The following TVP23A variants were observed in gnomAD, a reference collection of about 807,000 sequenced individuals.
TVP23A encodes the protein trans-golgi network vesicle protein 23 homolog A.
In TVP23A, 21 loss-of-function variants were observed where a neutral mutation model predicts 31.7. The observed-to-expected ratio is 0.66, with a 90% CI of 0.47 to 0.95. The LOEUF is 0.95. Ranked by LOEUF, TVP23A falls within the 40% of genes least tolerant of loss-of-function variation. TVP23A has a pLI of 0.00. For synonymous variants in TVP23A, 104 were observed against 96.0 expected, an observed-to-expected ratio of 1.08 and a Z score of -0.49; for missense variants, 279 against 255.6, an observed-to-expected ratio of 1.09 and a Z score of -0.62.
At chr16:10,806,382 T>C (rs1320570226) in intron 2 of TVP23A, among the ~76,000 whole-genome samples, 3 of 152,214 alleles carry the variant, frequency 2.0e-5, no homozygotes, top group Non-Finnish European at 4.4e-5. Context: ...TCTAGGTCCA[T>C]GCAGTCAAGC....
chr16:10,778,699 C>G (rs551758060), intron 2 of TVP23A, among the ~76,000 whole-genome samples: 1 of 149,774 alleles, frequency 6.7e-6, no homozygotes, highest in Admixed American at 6.6e-5. Context: ...GGCGCGGTGG[C>G]CCATGCCTAT....
Position 10,818,592 on chromosome 16 carries a change from A to G in TVP23A, c.-99T>C. 1 of 1,455,030 alleles carries G rather than the reference A, an allele frequency of 6.9e-7. No individual in the cohort carries two copies. The highest frequency in any genetic ancestry group is 1.3e-5 in the South Asian group (1 of 78,388). The allele number at this position is 1,455,030 out of a possible 1,614,324, so 90.1% of individuals were successfully genotyped here. On this transcript the variant is annotated 5_prime_UTR_variant, in exon 1 of 8. Transcript: ENST00000299866. This position sits in a 1 kb window ranked among gnomAD's most constrained non-coding sequence, Gnocchi z 4.7. ...CGCCGGGCGGGCGGATGTAGGCAGC[A>G]GACGGTGGACGCTGAGGGTCGGGGC...
At chr16:10,790,605 G>T (rs954068712) in intron 2 of TVP23A, among the ~76,000 whole-genome samples, 6 of 152,152 alleles carry the variant, frequency 3.9e-5, no homozygotes, top group Admixed American at 6.5e-5. Context: ...AAAATATTTT[G>T]ATTTTCTTCT....
chr16:10,777,476 G>C lies in TVP23A; in HGVS notation c.90-2380C>G, dbSNP rs2032115982. ...CACAGAACTGCAGGGGAAAGCGCCT[G>C]CTCATTCTCCCCAAGAAGAAACGGA... On this transcript the variant is annotated intron_variant, in intron 2 of 7. Transcript: ENST00000299866. The surrounding 1 kb of genome is among the most constrained non-coding windows in gnomAD (Gnocchi z 4.5). Among the ~76,000 whole-genome samples the C allele has an allele frequency of 6.6e-6, 1 of 152,116 alleles. No individual in the cohort carries two copies. The highest frequency in any genetic ancestry group is 1.5e-5 in the Non-Finnish European group (1 of 68,024).
At chr16:10,788,597 G>C (rs546270414) in intron 2 of TVP23A, among the ~76,000 whole-genome samples, 4 of 152,184 alleles carry the variant, frequency 2.6e-5, no homozygotes, top group South Asian at 2.1e-4. Flanking sequence ...GTGGGAGCCA[G>C]GGGGCCAGAG....
At position 10,768,941 on chromosome 16, in the gene TVP23A, C is replaced by A; in HGVS notation, c.*161G>T. 1 of 966,372 alleles carries A rather than the reference C, an allele frequency of 1.0e-6. No individual in the cohort carries two copies. Among genetic ancestry groups the A allele is most frequent in the Non-Finnish European group, 1.6e-6 (1 of 610,300 alleles). The allele number at this position is 966,372 out of a possible 1,614,324, so 59.9% of individuals were successfully genotyped here. A position where few individuals can be genotyped will look rare whatever the true frequency, so the allele number is the denominator to read the frequency against. ...ACACAGGTCTTTTTATGGAACTAGC[C>A]AGAGGATTCCACCCCTGTCAAAACA... On this transcript the variant is annotated 3_prime_UTR_variant, in exon 8 of 8. Coordinates refer to ENST00000299866, the MANE Select transcript of TVP23A (RefSeq NM_001079512.4). The surrounding 1 kb of genome is among the most constrained non-coding windows in gnomAD (Gnocchi z 4.3).
chr16:10,780,781 G>A (rs926413403), intron 2 of TVP23A, among the ~76,000 whole-genome samples: 4 of 152,076 alleles, frequency 2.6e-5, no homozygotes, highest in African/African-American at 9.7e-5. Context: ...AAAAACAGGT[G>A]ACAGCCATTA....
chr16:10,810,161 C>G (rs929035931), intron 2 of TVP23A, among the ~76,000 whole-genome samples: 1 of 152,098 alleles, frequency 6.6e-6, no homozygotes, highest in South Asian at 2.1e-4. Context: ...CATGTGTCAC[C>G]TAGACTGGGC....
intron 2 of TVP23A, among the ~76,000 whole-genome samples, chr16:10,798,884 G>A (rs769804141): frequency 2.2e-4 from 33 of 152,126 alleles, no homozygotes; most frequent in South Asian, 4.1e-4. Flanking sequence ...GGATGGTCTC[G>A]ATCTCCTGAC....
intron 2 of TVP23A, among the ~76,000 whole-genome samples, chr16:10,793,834 G>C (rs921300152): frequency 7.2e-6 from 1 of 138,250 alleles, no homozygotes; most frequent in Non-Finnish European, 1.5e-5. Context: ...AGGAGATTGT[G>C]GCTTCAGTGA....
chr16:10,763,171 G>A (rs774581482), downstream of TVP23A, among the ~76,000 whole-genome samples: 34 of 152,132 alleles, frequency 2.2e-4, no homozygotes, highest in South Asian at 6.2e-4. Flanking sequence ...GGGGTGCTGC[G>A]GCTAAGGGGC....
At chr16:10,813,391 C>T (rs2034287275) in intron 2 of TVP23A, among the ~76,000 whole-genome samples, 1 of 152,148 alleles carries the variant, frequency 6.6e-6, no homozygotes, top group Non-Finnish European at 1.5e-5. Flanking sequence ...TCCATTTCAA[C>T]AAGGGATTTA....
chr16:10,787,729 CCTCT>C (rs1298195606), intron 2 of TVP23A, among the ~76,000 whole-genome samples: 1 of 151,986 alleles, frequency 6.6e-6, no homozygotes, highest in African/African-American at 2.4e-5. Context: ...GAGCTGTTCT[CCTCT>C]CTCTTTCTTT....
At chr16:10,759,358 G>A (rs532124460), downstream of TVP23A, among the ~76,000 whole-genome samples, 3 of 152,360 alleles carry the variant, frequency 2.0e-5, no homozygotes, top group South Asian at 6.2e-4. This position sits in a 1 kb window ranked among gnomAD's most constrained non-coding sequence, Gnocchi z 4.7. Context: ...GGGACATGGG[G>A]ACGCAAGGAG....
downstream of TVP23A, among the ~76,000 whole-genome samples, chr16:10,763,360 G>C (rs141957867): frequency 2.1e-3 from 313 of 152,232 alleles, 2 homozygotes; most frequent in African/African-American, 7.3e-3. Flanking sequence ...TAGGGGGGTA[G>C]GGTGCGAGGG....
At position 10,768,283 on chromosome 16, in the gene TVP23A, G is replaced by T; in HGVS notation, c.*819C>A. Reference sequence around the variant, plus strand: ...AAATACATCCCAATAAAGGGATAAAGTAATTCATTTTTAAAAGTAACTGAT... The same window carrying T: ...AAATACATCCCAATAAAGGGATAAATTAATTCATTTTTAAAAGTAACTGAT... On this transcript the variant is annotated 3_prime_UTR_variant, in exon 8 of 8. Coordinates refer to ENST00000299866, the MANE Select transcript of TVP23A (RefSeq NM_001079512.4). This position sits in a 1 kb window ranked among gnomAD's most constrained non-coding sequence, Gnocchi z 4.3. The T allele has an allele frequency of 2.4e-5, 6 of 250,706 alleles. No homozygotes were observed. Among genetic ancestry groups the T allele is most frequent in the East Asian group, 7.7e-5 (1 of 12,962 alleles). 15.5% of individuals were successfully genotyped at this position (250,706 alleles called of 1,614,324 possible).
chr16:10,775,905 C>T (rs938768155), intron 2 of TVP23A, among the ~76,000 whole-genome samples: 7 of 151,252 alleles, frequency 4.6e-5, no homozygotes, highest in South Asian at 2.1e-4. Flanking sequence ...CCTGCCACCA[C>T]GCCCAGCTAA....
At chr16:10,787,539 G>C (rs770128927) in intron 2 of TVP23A, among the ~76,000 whole-genome samples, 2 of 152,154 alleles carry the variant, frequency 1.3e-5, no homozygotes, top group Admixed American at 6.6e-5. Context: ...TGCATAATAA[G>C]ATTAGGGTTG....
At chr16:10,808,100 T>A (rs946380785) in intron 2 of TVP23A, among the ~76,000 whole-genome samples, 1 of 152,204 alleles carries the variant, frequency 6.6e-6, no homozygotes, top group Admixed American at 6.5e-5. Context: ...TAATCTTGAC[T>A]CTGAGAAAAT....
Sources: gnomAD v4.1 joint callset for allele counts (sites outside exome capture counted in the v4.1 genomes callset) on GRCh38, gnomAD v4.1.1 for gene constraint, Gnocchi (gnomAD v3.1) non-coding constraint, MANE v1.5 for transcripts, NCBI Gene and HGNC (gene_info 2026-07-23, HGNC 2026-07-21) for gene names.